CLASP1: variants seen among roughly 807,000 people sequenced by gnomAD.
CLASP1 encodes the protein cytoplasmic linker associated protein 1.
CLASP1 carries 38 observed loss-of-function variants against 192.3 expected under a neutral mutation model. That is an observed-to-expected ratio of 0.20 (90% CI 0.15 to 0.26). The LOEUF is 0.26. Ranked by LOEUF, CLASP1 falls within the 10% of genes least tolerant of loss-of-function variation. CLASP1 has a pLI of 1.00. For missense variants in CLASP1, 1,433 were observed against 1,932.5 expected (o/e 0.74, Z 4.85); for synonymous variants, 691 against 712.8 (o/e 0.97, Z 0.49).
chr2:121,598,191 T>C (rs1362340769), intron 2 of CLASP1, among the ~76,000 whole-genome samples: 2 of 152,218 alleles, frequency 1.3e-5, no homozygotes, highest in Non-Finnish European at 2.9e-5. Context: ...ACCGCCATGG[T>C]GTAGCATAGT....
intron 2 of CLASP1, among the ~76,000 whole-genome samples, chr2:121,574,634 C>CA (rs1173756631): frequency 0.21 from 16,497 of 78,674 alleles, 1,608 homozygotes; most frequent in East Asian, 0.37. Context: ...GACTCCATAT[C>CA]AAAAAAAAAA....
chr2:121,576,782 A>C (rs986724391), intron 2 of CLASP1, among the ~76,000 whole-genome samples: 6 of 152,230 alleles, frequency 3.9e-5, no homozygotes, highest in African/African-American at 1.4e-4. Flanking sequence ...AGAATAAAGC[A>C]GTCAAACTAC....
chr2:121,598,431 C>T (rs1173419665), intron 2 of CLASP1, among the ~76,000 whole-genome samples: 1 of 152,192 alleles, frequency 6.6e-6, no homozygotes, highest in African/African-American at 2.4e-5. Context: ...TTACCTATTA[C>T]CTGTCACTGC....
chr2:121,350,706 G>A (rs1345648187), intron 37 of CLASP1, among the ~76,000 whole-genome samples: 6 of 152,320 alleles, frequency 3.9e-5, no homozygotes, highest in Middle Eastern at 3.4e-3. Context: ...GGGGCCAGCC[G>A]TGCTGCTGTT....
intron 19 of CLASP1, among the ~76,000 whole-genome samples, chr2:121,435,936 G>T (rs944969098): frequency 3.9e-5 from 6 of 152,110 alleles, no homozygotes; most frequent in African/African-American, 1.4e-4. Flanking sequence ...AGACTATTCA[G>T]ATTTCCCTGT....
chr2:121,387,917 G>T lies in CLASP1; in HGVS notation c.3124-11C>A. 1.3e-6 allele frequency: 2 copies of T among 1,597,890 alleles called. No homozygotes were observed. Among genetic ancestry groups the T allele is most frequent in the South Asian group, 1.1e-5 (1 of 90,252 alleles). On this transcript the variant is annotated splice_polypyrimidine_tract_variant and intron_variant, in intron 30 of 39. Coordinates refer to ENST00000263710, the Ensembl canonical transcript of CLASP1. ...CACAATCTGTGCTGCCTAGAAAAAGGAACCATGATTAATTTATGTAATGTA... is the reference window on the plus strand; with the variant it reads ...CACAATCTGTGCTGCCTAGAAAAAGTAACCATGATTAATTTATGTAATGTA...
intron 6 of CLASP1, among the ~76,000 whole-genome samples, chr2:121,522,402 C>G (rs1252097561): frequency 6.6e-6 from 1 of 152,166 alleles, no homozygotes; most frequent in African/African-American, 2.4e-5. Flanking sequence ...GCTCCAAACT[C>G]CTGACCAAAG....
At chr2:121,365,501 G>A (rs750208074) in intron 35 of CLASP1, among the ~76,000 whole-genome samples, 6 of 152,190 alleles carry the variant, frequency 3.9e-5, no homozygotes, top group Non-Finnish European at 7.3e-5. Context: ...GAAAGCAGAG[G>A]TGCGAGACCA....
At chr2:121,588,197 A>T (rs939556351) in intron 2 of CLASP1, among the ~76,000 whole-genome samples, 4 of 146,746 alleles carry the variant, frequency 2.7e-5, no homozygotes, top group Non-Finnish European at 5.9e-5. Flanking sequence ...AAAAAAAAAA[A>T]GCTGAACTTC....
rs756333219 is a variant in CLASP1 at position 121,448,323 on chromosome 2, C to T, written c.1694G>A (p.Arg565His). ...AGGACTTCTTTTGGCAGACAGCGGA[C>T]GACTAAAAGTAAAGATGTATATTAT... The change falls in exon 18 of 40, where the codon CGT (arginine) becomes CAT (histidine). Residue 565 changes from arginine to histidine, a missense_variant and splice_region_variant. Physicochemically the swap from Arg to His is conservative, Grantham distance 29. This residue lies in a region of CLASP1 where 445 missense variants were observed against 535.5 expected (regional missense o/e 0.83). Transcript: ENST00000263710. 1.6e-4 allele frequency: 263 copies of T among 1,608,712 alleles called. No homozygotes were observed. The highest frequency in any genetic ancestry group is 2.1e-4 in the Non-Finnish European group (251 of 1,175,320).
At chr2:121,648,884 G>T (rs1011530128) in intron 1 of CLASP1, among the ~76,000 whole-genome samples, 7 of 152,330 alleles carry the variant, frequency 4.6e-5, no homozygotes, top group Non-Finnish European at 1.0e-4. Flanking sequence ...AGCCCAGGAC[G>T]GGAGCCCGGG....
In CLASP1 at chr2:121,577,961, CT is replaced by C. The variant is rs2060696704; in HGVS notation, c.195+27739del. Among the ~76,000 whole-genome samples, 6 of 152,230 alleles carry C rather than the reference CT, an allele frequency of 3.9e-5. No homozygotes were observed. The South Asian group carries it at 1.2e-3, about 32-fold the overall frequency. ...ATTAATTGACTGATTGAGAAAGAGT[CT>C]CACTCTGTCACCCAGGCTAGAGGGC... On this transcript the variant is annotated intron_variant, in intron 2 of 39. Transcript: ENST00000263710.
chr2:121,346,404 AATAAG>A (rs2063467690), intron 39 of CLASP1, among the ~76,000 whole-genome samples: 1 of 152,272 alleles, frequency 6.6e-6, no homozygotes, highest in Non-Finnish European at 1.5e-5. Flanking sequence ...AATTAAAACC[AATAAG>A]CAGTCTAGCC....
intron 19 of CLASP1, among the ~76,000 whole-genome samples, chr2:121,441,685 A>C (rs766811422): frequency 1.3e-4 from 20 of 152,158 alleles, no homozygotes; most frequent in Admixed American, 1.0e-3. Flanking sequence ...TCAAGGGTGC[A>C]GTGAGCTGTA....
chr2:121,519,640 G>C (rs2094411076), intron 6 of CLASP1, among the ~76,000 whole-genome samples: 1 of 152,332 alleles, frequency 6.6e-6, no homozygotes, highest in East Asian at 1.9e-4. Context: ...CCTATAGTTT[G>C]TATCTATAAA....
At chr2:121,419,005 A>T (rs905600146) in intron 22 of CLASP1, among the ~76,000 whole-genome samples, 1 of 152,196 alleles carries the variant, frequency 6.6e-6, no homozygotes, top group Non-Finnish European at 1.5e-5. Context: ...GTGAAAAGAA[A>T]TCTTTCTGAA....
intron 8 of CLASP1, 172 bp from the exon 9 acceptor site, chr2:121,470,132 G>T (rs2090411611): frequency 3.0e-6 from 2 of 667,332 alleles, no homozygotes; most frequent in African/African-American, 3.6e-5. Context: ...GTTAAGCCCA[G>T]AATGAAGCTA....
chr2:121,473,642 C>A (rs1376323804), intron 8 of CLASP1, among the ~76,000 whole-genome samples: 4 of 152,084 alleles, frequency 2.6e-5, no homozygotes, highest in African/African-American at 7.2e-5. Context: ...ATGCCCCAAG[C>A]AAGACACACA....
At position 121,424,515 on chromosome 2, in the gene CLASP1, G is replaced by A. The variant is rs562169841; in HGVS notation, c.2212+624C>T. ...TAAATTTTATATTTAAAAAGTTAGC[G>A]TATGAATTAGATTTTAAATGGAACA... On this transcript the variant is annotated intron_variant, in intron 22 of 39. Transcript: ENST00000263710. Among the ~76,000 whole-genome samples the A allele has an allele frequency of 1.3e-4, 20 of 152,252 alleles. No individual in the cohort carries two copies. The South Asian group carries it at 2.3e-3, about 17-fold the overall frequency.
Sources: gnomAD v4.1 joint callset for allele counts (sites outside exome capture counted in the v4.1 genomes callset) on GRCh38, gnomAD v4.1.1 for gene constraint, gnomAD v4.1.1 regional missense constraint, MANE v1.5 for transcripts, NCBI Gene and HGNC (gene_info 2026-07-23, HGNC 2026-07-21) for gene names.